The following ODAD4 variants were observed in gnomAD, a reference collection of about 807,000 sequenced individuals.
ODAD4 encodes the protein outer dynein arm docking complex subunit 4, also known as outer dynein arm-docking complex subunit 4.
In ODAD4, 49 loss-of-function variants were observed where a neutral mutation model predicts 51.8. The observed-to-expected ratio is 0.95, with a 90% CI of 0.75 to 1.20. The LOEUF (loss-of-function observed/expected upper bound fraction) is 1.20, where lower values mean the gene tolerates loss of function less well. Ranked by LOEUF, ODAD4 falls within the 50% of genes most tolerant of loss-of-function variation. The pLI, the probability that ODAD4 is intolerant of heterozygous loss-of-function variation, is 0.00. For missense variants in ODAD4, 590 were observed against 586.5 expected (o/e 1.01, Z -0.06); for synonymous variants, 235 against 221.3 (o/e 1.06, Z -0.55).
Position 41,965,610 on chromosome 17 carries a change from T to A in ODAD4, c.*127T>A. On this transcript the variant is annotated 3_prime_UTR_variant, in exon 12 of 12. Transcript: ENST00000377540. The stretch of plus-strand genomic sequence containing the variant: ...AGGGTTTTACTTCTGCTGCTTTCCA[T>A]CACTATTTTGCCATTAAATAGGTGT... 1 of 611,262 alleles carries A rather than the reference T, an allele frequency of 1.6e-6. No individual in the cohort carries two copies. The highest frequency in any genetic ancestry group is 2.9e-6 in the Non-Finnish European group (1 of 345,860). 37.9% of individuals were successfully genotyped at this position (611,262 alleles called of 1,614,324 possible).
Position 41,936,910 on chromosome 17 carries a change from A to C in ODAD4, c.608A>C (p.Lys203Thr). 1 of 1,613,888 alleles carries C rather than the reference A, an allele frequency of 6.2e-7. No individual in the cohort carries two copies. Among genetic ancestry groups the C allele is most frequent in the Non-Finnish European group, 8.5e-7 (1 of 1,179,840 alleles). The change falls in exon 5 of 12, where the codon AAG (lysine) becomes ACG (threonine). Residue 203 changes from lysine to threonine, a missense_variant. Transcript: ENST00000377540. Reference protein sequence around the residue: ...ELYVDKEYLEKLLLDEDLIKG... With the variant: ...ELYVDKEYLETLLLDEDLIKG... ...TACGTGGACAAAGAGTATTTGGAGA[A>C]GCTCCTATTGGATGAAGGTTTCGGA... is the stretch of plus-strand genomic sequence containing the variant.
In ODAD4 at chr17:41,965,362, A is replaced by G. The variant is rs782495233; in HGVS notation, c.1898A>G (p.Glu633Gly). 5.1e-6 allele frequency: 4 copies of G among 780,702 alleles called. No individual in the cohort carries two copies. The South Asian group carries it at 5.4e-5, about 10-fold the overall frequency. The allele number at this position is 780,702 out of a possible 1,614,324, so 48.4% of individuals were successfully genotyped here. A position where few individuals can be genotyped will look rare whatever the true frequency, so the allele number is the denominator to read the frequency against. The change falls in exon 12 of 12, where the codon GAA becomes GGA. Residue 633 changes from glutamate to glycine, a missense_variant. By Grantham distance (98) the Glu-to-Gly change is moderately conservative. This residue lies in a region of ODAD4 where 226 missense variants were observed against 162.7 expected (regional missense o/e 1.39). Coordinates refer to ENST00000377540, the MANE Select transcript of ODAD4 (RefSeq NM_031421.5). ...GGAGAATTCAGCAGACAGGAACCAG[A>G]AGAACTAAAGAAACTTTCAGAAGTG... is the stretch of plus-strand genomic sequence containing the variant. ...LSGEFSRQEPEELKKLSEVGR... is the reference protein window; with the variant it reads ...LSGEFSRQEPGELKKLSEVGR...
At chr17:41,945,343 C>CA (rs35481109) in intron 8 of ODAD4, 121 bp downstream of exon 8, 22,310 of 436,474 alleles carry the variant, frequency 0.051, 8 homozygotes, top group Middle Eastern at 0.08. Context: ...TCCCTCTCTA[C>CA]AAAAAAAAAA....
In ODAD4 at chr17:41,945,065, T is replaced by C. The variant is rs989010632; in HGVS notation, c.1059-71T>C. 28 of 1,275,030 alleles carry C rather than the reference T, an allele frequency of 2.2e-5. No homozygotes were observed. In the African/African-American group the frequency reaches 3.1e-4, roughly 14 times the overall value. 79.0% of individuals were successfully genotyped at this position (1,275,030 alleles called of 1,614,324 possible). On this transcript the variant is annotated intron_variant, in intron 7 of 11. Transcript: ENST00000377540. ...GAGGCCAGGGCTCCTGTCTTTGCCT[T>C]CTTTCCTATTTCCACAGTGCCTAGA... is the stretch of plus-strand genomic sequence containing the variant.
intron 9 of ODAD4, chr17:41,952,765 T>C (rs1555640392): frequency 2.2e-6 from 1 of 450,040 alleles, no homozygotes; most frequent in Non-Finnish European, 4.5e-6. Flanking sequence ...GAGTCTTGCT[T>C]TATCACCCAG....
At chr17:41,930,880 A>AATT in intron 1 of ODAD4, 43 bp downstream of exon 1, 7 of 135,220 alleles carry the variant, frequency 5.2e-5, no homozygotes, top group East Asian at 1.5e-4. Context: ...ATCACCCGTC[A>AATT]CTTTTTTTTT....
rs189239015 is a variant in ODAD4 at position 41,945,223 on chromosome 17, G to A, written c.1145+1G>A. The A allele has an allele frequency of 3.5e-5, 56 of 1,610,612 alleles. No homozygotes were observed. Among genetic ancestry groups the A allele is most frequent in the Admixed American group, 2.2e-4 (13 of 59,652 alleles). Reference sequence around the variant, plus strand: ...GGAAATTCCAGCAAGCCATTGACACGTGAGTGACCAAGAATTGCCTCTTCC... The same window carrying A: ...GGAAATTCCAGCAAGCCATTGACACATGAGTGACCAAGAATTGCCTCTTCC... On this transcript the variant is annotated splice_donor_variant, in intron 8 of 11. Transcript: ENST00000377540. LOFTEE classifies it high-confidence loss of function.
At position 41,936,665 on chromosome 17, in the gene ODAD4, G is replaced by A. The variant is rs2050432437; in HGVS notation, c.460-97G>A. On this transcript the variant is annotated intron_variant, in intron 4 of 11. Transcript: ENST00000377540. ...GACTCTTGGCCCACAGAAAGGTCCTGGAGTTGGAGGAATCTGGGATCACAG... is the reference window on the plus strand; with the variant it reads ...GACTCTTGGCCCACAGAAAGGTCCTAGAGTTGGAGGAATCTGGGATCACAG... 50 of 1,545,748 alleles carry A rather than the reference G, an allele frequency of 3.2e-5. No individual in the cohort carries two copies. The South Asian group carries it at 5.4e-4, about 17-fold the overall frequency.
intron 10 of ODAD4, among the ~76,000 whole-genome samples, chr17:41,960,410 T>C (rs945648543): frequency 6.6e-6 from 1 of 152,108 alleles, no homozygotes; most frequent in Non-Finnish European, 1.5e-5. Context: ...ATCGTGCCAC[T>C]GCACTCCAGC....
intron 10 of ODAD4, among the ~76,000 whole-genome samples, chr17:41,958,581 G>C (rs2050763217): frequency 6.7e-6 from 1 of 149,980 alleles, no homozygotes; most frequent in African/African-American, 2.5e-5. Context: ...AGAATCGCTT[G>C]AACCCGGGAG....
intron 1 of ODAD4, among the ~76,000 whole-genome samples, chr17:41,932,039 C>A (rs897003193): frequency 6.6e-6 from 1 of 151,966 alleles, no homozygotes; most frequent in Non-Finnish European, 1.5e-5. Context: ...GATTCTCCTG[C>A]CTCAGCCTCA....
intron 7 of ODAD4, among the ~76,000 whole-genome samples, chr17:41,944,434 ACACACACACACCC>A (rs1330658553): frequency 0.069 from 547 of 7,970 alleles, 17 homozygotes; most frequent in Non-Finnish European, 0.12. Context: ...ACACACACAC[ACACACACACACCC>A]CCCCGCATAC....
At chr17:41,964,878 A>C in intron 11 of ODAD4, 115 bp from the exon 12 acceptor site, 1 of 597,080 alleles carries the variant, frequency 1.7e-6, no homozygotes, top group Non-Finnish European at 3.0e-6. Context: ...CCTGGCCTCA[A>C]GGGATCTGCC....
chr17:41,940,166 T>C (rs933362575), intron 7 of ODAD4, among the ~76,000 whole-genome samples: 1 of 152,132 alleles, frequency 6.6e-6, no homozygotes, highest in Non-Finnish European at 1.5e-5. Context: ...CTCCTTGATC[T>C]CCCATCATCC....
Position 41,935,724 on chromosome 17 carries a change from G to A in ODAD4, c.372G>A (p.Gln124=). 6.2e-7 allele frequency: 1 copy of A among 1,613,936 alleles called. No individual in the cohort carries two copies. Among genetic ancestry groups the A allele is most frequent in the Non-Finnish European group, 8.5e-7 (1 of 1,179,856 alleles). ...REFRVGIQKA[Q]EAINNSVGSP... is the part of the protein sequence containing the mutation. ...TCAGAGTTGGCATTCAGAAAGCCCA[G>A]GAAGCCATCAACAACTCAGTGGGAA... The change falls in exon 3 of 12, where the codon CAG becomes CAA. Residue 124 remains glutamine, a synonymous_variant. Transcript: ENST00000377540.
intron 1 of ODAD4, among the ~76,000 whole-genome samples, chr17:41,934,113 T>C (rs8078141): frequency 0.87 from 118,973 of 136,746 alleles, 52,299 homozygotes; most frequent in East Asian, 1. Flanking sequence ...ATGATCTCAG[T>C]TCACTGCAAC....
chr17:41,954,055 G>T (rs534634497), intron 9 of ODAD4, among the ~76,000 whole-genome samples: 1 of 151,440 alleles, frequency 6.6e-6, no homozygotes, highest in South Asian at 2.1e-4. Flanking sequence ...GCGCGATCTC[G>T]GCTCACTGCA....
Position 41,965,813 on chromosome 17 carries a change from A to C in ODAD4, c.*330A>C, listed in dbSNP as rs1417936703. Among the ~76,000 whole-genome samples, 1 of 152,096 alleles carries C rather than the reference A, an allele frequency of 6.6e-6. No individual in the cohort carries two copies. The highest frequency in any genetic ancestry group is 2.4e-5 in the African/African-American group (1 of 41,406). On this transcript the variant is annotated 3_prime_UTR_variant, in exon 12 of 12. Coordinates refer to ENST00000377540, the MANE Select transcript of ODAD4 (RefSeq NM_031421.5). ...GGAGGAGAGGGGAAGGCCTGGGAGG[A>C]GAGGTGCTTCCCACACACCGGTGAC...
chr17:41,952,850 CT>C (rs2050677630), intron 9 of ODAD4, among the ~76,000 whole-genome samples: 1 of 151,968 alleles, frequency 6.6e-6, no homozygotes, highest in South Asian at 2.1e-4. Flanking sequence ...GTGATTCTCC[CT>C]CCTCAGCCTC....
Sources: gnomAD v4.1 joint callset for allele counts (sites outside exome capture counted in the v4.1 genomes callset) on GRCh38, gnomAD v4.1.1 for gene constraint, gnomAD v4.1.1 regional missense constraint, MANE v1.5 for transcripts, NCBI Gene and HGNC (gene_info 2026-07-23, HGNC 2026-07-21) for gene names.